OSCP1: variants seen among roughly 807,000 people sequenced by gnomAD.
The protein encoded by OSCP1 is protein OSCP1.
A neutral mutation model predicts 45.1 loss-of-function variants in OSCP1; 35 were observed. The ratio of observed to expected loss-of-function variants is 0.78; its 90% confidence interval spans 0.59 to 1.03. The LOEUF (loss-of-function observed/expected upper bound fraction) is 1.03, where lower values mean the gene tolerates loss of function less well. Ranked by LOEUF, OSCP1 falls within the 50% of genes least tolerant of loss-of-function variation. OSCP1 has a pLI of 0.00. For missense variants in OSCP1, 400 were observed against 470.7 expected, an observed-to-expected ratio of 0.85 and a Z score of 1.39; for synonymous variants, 179 against 180.1, an observed-to-expected ratio of 0.99 and a Z score of 0.05.
At chr1:36,428,276 A>G in intron 4 of OSCP1, 1 of 1,563,166 alleles carries the variant, frequency 6.4e-7, no homozygotes, top group East Asian at 2.3e-5. Context: ...AGGGAAATAC[A>G]ATAAGGCACT....
chr1:36,422,641 T>TA lies in OSCP1; in HGVS notation c.749+126dup. ...GTCAGGCCTCTGTATGCAGTGTACC[T>TA]AAGGGGAAATTACTCCTATTGTCGG... On this transcript the variant is annotated intron_variant, in intron 6 of 9. Coordinates refer to ENST00000235532, the MANE Select transcript of OSCP1 (RefSeq NM_145047.5). 3.0e-6 allele frequency: 3 copies of TA among 992,000 alleles called. No individual in the cohort carries two copies. The Admixed American group carries it at 7.8e-5, about 26-fold the overall frequency. The allele number at this position is 992,000 out of a possible 1,614,324, so 61.4% of individuals were successfully genotyped here.
At chr1:36,422,119 G>C (rs774618316) in intron 7 of OSCP1, 31 bp downstream of exon 7, 19 of 1,592,822 alleles carry the variant, frequency 1.2e-5, no homozygotes, top group Non-Finnish European at 1.5e-5. Context: ...GAGAGAAGCT[G>C]TGAGGGTAGG....
At chr1:36,421,194 G>A (rs962567665) in intron 7 of OSCP1, among the ~76,000 whole-genome samples, 2 of 151,932 alleles carry the variant, frequency 1.3e-5, no homozygotes, top group African/African-American at 4.8e-5. Flanking sequence ...GCCTCCTGTC[G>A]AAAGAACAAA....
At chr1:36,428,452 C>T (rs1648129770) in intron 4 of OSCP1, 1 of 1,613,630 alleles carries the variant, frequency 6.2e-7, no homozygotes, top group African/African-American at 1.3e-5. Flanking sequence ...CAGTTTCTTG[C>T]ATATGCTTCC....
Position 36,422,210 on chromosome 1 carries a change from C to T in OSCP1, c.759G>A (p.Val253=), listed in dbSNP as rs566372754. The T allele has an allele frequency of 4.0e-4, 647 of 1,614,134 alleles. 7 individuals carry two copies. In the South Asian group the frequency reaches 5.7e-3, roughly 14 times the overall value. Residue 253 remains valine, a synonymous_variant, in exon 7 of 10, where the codon GTG becomes GTA. Transcript: ENST00000235532. ...ACACATGAGTTTCCACAGGCTGATTCACGCTGTACCTGGTGTGTCAACAGA... is the reference window on the plus strand; with the variant it reads ...ACACATGAGTTTCCACAGGCTGATTTACGCTGTACCTGGTGTGTCAACAGA... ...VLKLGTNMYS[V]NQPVETHVSG... is the part of the protein sequence containing the mutation.
rs1043011386 is a variant in OSCP1, at chr1:36,439,028, T to C, written c.113-118A>G. On this transcript the variant is annotated intron_variant, in intron 1 of 9. Transcript: ENST00000235532. ...TACAGTACAGAATTGGGATGCTGTA[T>C]GCTTGGTGAGATCAGCTCCCTGAGG... is the stretch of plus-strand genomic sequence containing the variant. 5 of 1,148,804 alleles carry C rather than the reference T, an allele frequency of 4.4e-6. 1 individual carries two copies. Among genetic ancestry groups the C allele is most frequent in the South Asian group, 1.7e-5 (1 of 57,526 alleles). The allele number at this position is 1,148,804 out of a possible 1,614,324, so 71.2% of individuals were successfully genotyped here. A position where few individuals can be genotyped will look rare whatever the true frequency, so the allele number is the denominator to read the frequency against.
At chr1:36,426,502 A>G (rs989048705) in intron 4 of OSCP1, among the ~76,000 whole-genome samples, 1 of 152,004 alleles carries the variant, frequency 6.6e-6, no homozygotes, top group Non-Finnish European at 1.5e-5. Flanking sequence ...ACACATTTCC[A>G]TCTATGGGTC....
At chr1:36,422,086 C>G in intron 7 of OSCP1, 64 bp downstream of exon 7, 1 of 1,500,266 alleles carries the variant, frequency 6.7e-7, no homozygotes, top group South Asian at 1.1e-5. Context: ...TCTCACCTCT[C>G]TTTATGTAGA....
chr1:36,432,291 G>C, intron 3 of OSCP1, 131 bp downstream of exon 3: 1 of 1,123,370 alleles, frequency 8.9e-7, no homozygotes. Flanking sequence ...TTGCTTTTCA[G>C]AATGTTCTGG....
At chr1:36,443,218 A>T (rs918986643) in intron 1 of OSCP1, among the ~76,000 whole-genome samples, 2 of 152,074 alleles carry the variant, frequency 1.3e-5, no homozygotes, top group Non-Finnish European at 2.9e-5. Flanking sequence ...CCTGCCTCAG[A>T]TTCCCAAAGT....
At position 36,438,783 on chromosome 1, in the gene OSCP1, C is replaced by T; in HGVS notation, c.240G>A (p.Met80Ile). 1 of 1,613,202 alleles carries T rather than the reference C, an allele frequency of 6.2e-7. No individual in the cohort carries two copies. The highest frequency in any genetic ancestry group is 8.5e-7 in the Non-Finnish European group (1 of 1,179,582). Residue 80 changes from methionine (M) to isoleucine (I), a missense_variant, in exon 2 of 10, where the codon ATG (methionine) becomes ATA (isoleucine). Met to Ile is a conservative substitution (Grantham distance 10). Transcript: ENST00000235532. ...VYERLAHASI[M>I]KLNQASMDKL... ...TATCCATGCTGGCCTGGTTCAGTTTCATAATGGAGGCATGAGCCAGGCGCT... is the reference window on the plus strand; with the variant it reads ...TATCCATGCTGGCCTGGTTCAGTTTTATAATGGAGGCATGAGCCAGGCGCT...
intron 1 of OSCP1, among the ~76,000 whole-genome samples, chr1:36,441,964 A>T (rs1649209930): frequency 6.6e-6 from 1 of 151,892 alleles, no homozygotes; most frequent in South Asian, 2.1e-4. Context: ...GCAGTGGCTC[A>T]CGCCTGTAAT....
At chr1:36,439,269 C>G (rs1452286672) in intron 1 of OSCP1, among the ~76,000 whole-genome samples, 1 of 151,918 alleles carries the variant, frequency 6.6e-6, no homozygotes, top group Admixed American at 6.6e-5. Context: ...GCCTATAATC[C>G]CAGCGCTTTG....
At chr1:36,419,840 G>GTGTT (rs1344930701) in intron 8 of OSCP1, among the ~76,000 whole-genome samples, 1 of 152,076 alleles carries the variant, frequency 6.6e-6, no homozygotes, top group Non-Finnish European at 1.5e-5. Context: ...TAGAGACAGG[G>GTGTT]TGTTGCTCTC....
chr1:36,443,749 G>A (rs1649338591), intron 1 of OSCP1, among the ~76,000 whole-genome samples: 1 of 152,186 alleles, frequency 6.6e-6, no homozygotes, highest in African/African-American at 2.4e-5. Context: ...ACTGAGAAAA[G>A]GAGACATATC....
At position 36,420,509 on chromosome 1, in the gene OSCP1, C is replaced by T. The variant is rs748893476; in HGVS notation, c.926G>A (p.Arg309Gln). ...TTCATCGGTGGTAAAGAGATTCAACCGGAATCCGGGCTCAGGGCCACTGGG... is the reference window on the plus strand; with the variant it reads ...TTCATCGGTGGTAAAGAGATTCAACTGGAATCCGGGCTCAGGGCCACTGGG... Reference protein sequence around the residue: ...KKPSGPEPGFRLNLFTTDEEE... With the variant: ...KKPSGPEPGFQLNLFTTDEEE... Residue 309 changes from arginine to glutamine, a missense_variant, in exon 8 of 10, where the codon CGG becomes CAG. Arg to Gln is a conservative substitution (Grantham distance 43). Transcript: ENST00000235532. The T allele has an allele frequency of 9.0e-5, 146 of 1,613,894 alleles. 1 individual carries two copies. The highest frequency in any genetic ancestry group is 1.1e-4 in the Non-Finnish European group (131 of 1,180,008).
intron 4 of OSCP1, among the ~76,000 whole-genome samples, chr1:36,431,311 T>G (rs79348181): frequency 0.1 from 15,548 of 149,904 alleles, 952 homozygotes; most frequent in East Asian, 0.3. Context: ...GAGACAGGAG[T>G]AAGGTTTGGA....
rs542522628 is a variant in OSCP1 at position 36,423,470 on chromosome 1, G to GA, written c.517-5dup. Reference sequence around the variant, plus strand: ...TGTCCTTTAGAAACATGGATACCTGGAAAAAAATACATTTATTGTCATTTT... The same window carrying GA: ...TGTCCTTTAGAAACATGGATACCTGGAAAAAAAATACATTTATTGTCATTTT... On this transcript the variant is annotated splice_region_variant and splice_polypyrimidine_tract_variant and intron_variant, in intron 4 of 9. Coordinates refer to ENST00000235532, the MANE Select transcript of OSCP1 (RefSeq NM_145047.5). The GA allele has an allele frequency of 1.8e-5, 28 of 1,583,088 alleles. No individual in the cohort carries two copies. The highest frequency in any genetic ancestry group is 1.2e-4 in the African/African-American group (9 of 73,304).
chr1:36,425,506 G>A lies in OSCP1; in HGVS notation c.517-2040C>T, dbSNP rs139857307. Reference sequence around the variant, plus strand: ...TCCCAGCACTTTGGGAGGCTGAGGCGGGAGGATCATGAGGTCAGGAGTTCA... The same window carrying A: ...TCCCAGCACTTTGGGAGGCTGAGGCAGGAGGATCATGAGGTCAGGAGTTCA... On this transcript the variant is annotated intron_variant, in intron 4 of 9. Coordinates refer to ENST00000235532, the MANE Select transcript of OSCP1 (RefSeq NM_145047.5). Among the ~76,000 whole-genome samples, 1,048 of 152,162 alleles carry A rather than the reference G, an allele frequency of 6.9e-3. 12 individuals carry two copies. The highest frequency in any genetic ancestry group is 0.024 in the African/African-American group (979 of 41,510).
Sources: gnomAD v4.1 joint callset for allele counts (sites outside exome capture counted in the v4.1 genomes callset) on GRCh38, gnomAD v4.1.1 for gene constraint, MANE v1.5 for transcripts, NCBI Gene and HGNC (gene_info 2026-07-23, HGNC 2026-07-21) for gene names.